The following TNN variants were observed in gnomAD, a reference collection of about 807,000 sequenced individuals.
TNN encodes the protein tenascin-N.
A neutral mutation model predicts 134.4 loss-of-function variants in TNN; 122 were observed. That is an observed-to-expected ratio of 0.91 (90% CI 0.78 to 1.06). The LOEUF is 1.06. Ranked by LOEUF, TNN falls within the 50% of genes least tolerant of loss-of-function variation. The pLI, the probability that TNN is intolerant of heterozygous loss-of-function variation, is 0.00. For synonymous variants in TNN, 710 were observed against 670.3 expected, an observed-to-expected ratio of 1.06 and a Z score of -0.91; for missense variants, 1,739 against 1,699.4, an observed-to-expected ratio of 1.02 and a Z score of -0.41.
intron 15 of TNN, among the ~76,000 whole-genome samples, chr1:175,132,411 A>T (rs995088874): frequency 6.6e-6 from 1 of 152,316 alleles, no homozygotes; most frequent in Admixed American, 6.5e-5. Context: ...TCACGAAATG[A>T]TTGTCGTCTA....
rs3028580 is a variant in TNN at position 175,145,552 on chromosome 1, CAAAAAAAAAAAA to C, written c.3759+1014_3759+1025del. Among the ~76,000 whole-genome samples, 2 of 28,910 alleles carry C rather than the reference CAAAAAAAAAAAA, an allele frequency of 6.9e-5. 1 individual carries two copies. The highest frequency in any genetic ancestry group is 2.9e-4 in the African/African-American group (2 of 6,868). The allele number at this position is 28,910 out of a possible 152,430, so 19.0% of individuals were successfully genotyped here. A position where few individuals can be genotyped will look rare whatever the true frequency, so the allele number is the denominator to read the frequency against. On this transcript the variant is annotated intron_variant, in intron 18 of 18. Coordinates refer to ENST00000239462, the MANE Select transcript of TNN (RefSeq NM_022093.2). ...TGGGTGGCAGAGCAAGACCCTGTCTCAAAAAAAAAAAAAAAAAAAAAAAGCTGTCTCAAGTCC... is the reference window on the plus strand; with the variant it reads ...TGGGTGGCAGAGCAAGACCCTGTCTCAAAAAAAAAAAGCTGTCTCAAGTCC...
chr1:175,087,053 T>A (rs1366664249), intron 6 of TNN, among the ~76,000 whole-genome samples: 2 of 152,202 alleles, frequency 1.3e-5, no homozygotes, highest in Non-Finnish European at 2.9e-5. Context: ...GAGCTGGGAT[T>A]TGAACCCAGG....
intron 9 of TNN, among the ~76,000 whole-genome samples, chr1:175,110,751 G>A (rs1674996966): frequency 6.6e-6 from 1 of 152,212 alleles, no homozygotes; most frequent in African/African-American, 2.4e-5. Context: ...CCAGGTCCAA[G>A]CTGTTTTGGT....
chr1:175,123,605 CG>C lies in TNN; in HGVS notation c.2857del (p.Val953CysfsTer32), dbSNP rs1558368275. ...LRPGMEYMVH[V>X]WAQKGAQESK... ...GACCAGGCATGGAGTACATGGTGCA[CG>C]TGTGGGCCCAGAAGGGGGCCCAGGA... On this transcript the variant is annotated frameshift_variant, in exon 12 of 19. Coordinates refer to ENST00000239462, the MANE Select transcript of TNN (RefSeq NM_022093.2). LOFTEE classifies it high-confidence loss of function. 6.2e-7 allele frequency: 1 copy of C among 1,614,128 alleles called. No individual in the cohort carries two copies. Among genetic ancestry groups the C allele is most frequent in the South Asian group, 1.1e-5 (1 of 91,080 alleles).
chr1:175,073,583 C>T (rs896038485), intron 1 of TNN, among the ~76,000 whole-genome samples: 2 of 152,220 alleles, frequency 1.3e-5, no homozygotes, highest in African/African-American at 2.4e-5. Flanking sequence ...GATGCTGGAA[C>T]CTGCAGAGAA....
chr1:175,077,918 A>T (rs979665647), intron 2 of TNN, 91 bp downstream of exon 2: 14 of 1,316,860 alleles, frequency 1.1e-5, no homozygotes, highest in Non-Finnish European at 1.4e-5. Flanking sequence ...GCACTTTGTG[A>T]CTCTGGTGTG....
rs1676094634 is a variant in TNN, at chr1:175,147,307, A to G, written c.*236A>G. On this transcript the variant is annotated 3_prime_UTR_variant, in exon 19 of 19. Coordinates refer to ENST00000239462, the MANE Select transcript of TNN (RefSeq NM_022093.2). ...TATGTGTAGGAAAGACAGTACTGGAACGGCAAGGTTTCTCAGCTTATCTTC... is the reference window on the plus strand; with the variant it reads ...TATGTGTAGGAAAGACAGTACTGGAGCGGCAAGGTTTCTCAGCTTATCTTC... 1 of 384,902 alleles carries G rather than the reference A, an allele frequency of 2.6e-6. No homozygotes were observed. Among genetic ancestry groups the G allele is most frequent in the Non-Finnish European group, 4.6e-6 (1 of 218,934 alleles). The allele number at this position is 384,902 out of a possible 1,614,324, so 23.8% of individuals were successfully genotyped here. A position where few individuals can be genotyped will look rare whatever the true frequency, so the allele number is the denominator to read the frequency against.
chr1:175,117,443 T>G (rs976813834), intron 10 of TNN, among the ~76,000 whole-genome samples: 2 of 152,288 alleles, frequency 1.3e-5, no homozygotes, highest in East Asian at 3.9e-4. Flanking sequence ...CATCAACTCC[T>G]CTTCTGATTG....
At chr1:175,091,712 C>T (rs1674451478) in intron 6 of TNN, among the ~76,000 whole-genome samples, 1 of 151,974 alleles carries the variant, frequency 6.6e-6, no homozygotes, top group Admixed American at 6.6e-5. Context: ...CCTCAGCCTC[C>T]CGAGTAGCTG....
rs561944590 is a variant in TNN, at chr1:175,128,464, G to A, written c.3179-131G>A. On this transcript the variant is annotated intron_variant, in intron 14 of 18. Transcript: ENST00000239462. Reference sequence around the variant, plus strand: ...GAGAAAAATAAGATATGAGTGAAGAGTTGGAAGAAGCTGAAGTAGGAAGTT... The same window carrying A: ...GAGAAAAATAAGATATGAGTGAAGAATTGGAAGAAGCTGAAGTAGGAAGTT... 30 of 1,171,208 alleles carry A rather than the reference G, an allele frequency of 2.6e-5. No homozygotes were observed. In the South Asian group the frequency reaches 4.7e-4, roughly 19 times the overall value. 72.6% of individuals were successfully genotyped at this position (1,171,208 alleles called of 1,614,324 possible). A position where few individuals can be genotyped will look rare whatever the true frequency, so the allele number is the denominator to read the frequency against.
intron 6 of TNN, among the ~76,000 whole-genome samples, chr1:175,090,606 C>T (rs1476636719): frequency 6.6e-6 from 1 of 152,178 alleles, no homozygotes; most frequent in Non-Finnish European, 1.5e-5. Context: ...TGGACAGGAG[C>T]TTTCGGATGT....
intron 9 of TNN, among the ~76,000 whole-genome samples, chr1:175,108,913 A>G (rs1372249477): frequency 2.6e-5 from 4 of 151,858 alleles, no homozygotes; most frequent in Non-Finnish European, 5.9e-5. Context: ...CCCACAGTGT[A>G]GTGGTGGGCT....
At chr1:175,084,305 A>AAG (rs758972317) in intron 5 of TNN, among the ~76,000 whole-genome samples, 4 of 151,678 alleles carry the variant, frequency 2.6e-5, no homozygotes, top group Non-Finnish European at 4.4e-5. Context: ...AGGGAACAGA[A>AAG]AGAGAGAGAG....
At position 175,147,578 on chromosome 1, in the gene TNN, T is replaced by C. The variant is rs1367256695; in HGVS notation, c.*507T>C. ...TGAACCTCCCCCTTTTAATTTCTGG[T>C]GTTATGAGGAAGAATAAAGGGGATA... On this transcript the variant is annotated 3_prime_UTR_variant, in exon 19 of 19. Transcript: ENST00000239462. 1 of 152,196 alleles carries C rather than the reference T, an allele frequency of 6.6e-6. No homozygotes were observed. Among genetic ancestry groups the C allele is most frequent in the African/African-American group, 2.4e-5 (1 of 41,398 alleles). The allele number at this position is 152,196 out of a possible 1,614,324, so 9.4% of individuals were successfully genotyped here. A position where few individuals can be genotyped will look rare whatever the true frequency, so the allele number is the denominator to read the frequency against.
intron 1 of TNN, among the ~76,000 whole-genome samples, chr1:175,070,109 G>T (rs1329731576): frequency 6.6e-6 from 1 of 152,172 alleles, no homozygotes; most frequent in African/African-American, 2.4e-5. Flanking sequence ...TATTGTGCAT[G>T]AGCTTGGTCC....
chr1:175,084,524 A>T (rs1485807279), intron 5 of TNN, among the ~76,000 whole-genome samples: 1 of 152,226 alleles, frequency 6.6e-6, no homozygotes, highest in Non-Finnish European at 1.5e-5. Flanking sequence ...GTACAATTCC[A>T]GGGCTCTTTT....
chr1:175,116,799 T>C, intron 9 of TNN, 140 bp from the exon 10 acceptor site: 1 of 1,179,574 alleles, frequency 8.5e-7, no homozygotes, highest in South Asian at 1.3e-5. Flanking sequence ...AAGGTCTATA[T>C]CCATGAAACA....
rs1397345894 is a variant in TNN, at chr1:175,144,479, G to C, written c.3688G>C (p.Gly1230Arg). The change falls in exon 18 of 19, where the codon GGT becomes CGT. Residue 1230 changes from glycine (G) to arginine (R), a missense_variant. Coordinates refer to ENST00000239462, the MANE Select transcript of TNN (RefSeq NM_022093.2). ...ALSNCALTHH[G>R]GWWYKNCHLA... Reference sequence around the variant, plus strand: ...CAGCAACTGTGCCCTGACACATCATGGTGGCTGGTGGTATAAGAACTGCCA... The same window carrying C: ...CAGCAACTGTGCCCTGACACATCATCGTGGCTGGTGGTATAAGAACTGCCA... 5 of 1,614,212 alleles carry C rather than the reference G, an allele frequency of 3.1e-6. No individual in the cohort carries two copies. Among genetic ancestry groups the C allele is most frequent in the Non-Finnish European group, 3.4e-6 (4 of 1,180,026 alleles).
At chr1:175,076,608 T>C (rs1292631478) in intron 1 of TNN, among the ~76,000 whole-genome samples, 1 of 152,226 alleles carries the variant, frequency 6.6e-6, no homozygotes, top group Non-Finnish European at 1.5e-5. Context: ...GAAATTCTTA[T>C]GTTTTACTGG....
Sources: allele counts gnomAD v4.1 joint callset (sites outside exome capture counted in the v4.1 genomes callset), GRCh38; gene constraint gnomAD v4.1.1; transcripts MANE v1.5; gene names NCBI Gene and HGNC (gene_info 2026-07-23, HGNC 2026-07-21).